Variants in CNTN5 observed in about 807,000 individuals in gnomAD.
CNTN5 encodes contactin 5, also known as contactin-5.
A neutral mutation model predicts 129.1 loss-of-function variants in CNTN5; 77 were observed. The ratio of observed to expected loss-of-function variants is 0.60; its 90% CI spans 0.50 to 0.72. The LOEUF (loss-of-function observed/expected upper bound fraction) is 0.72. CNTN5 is among the 30% of genes least tolerant of loss of function. The pLI is 0.00. For synonymous variants in CNTN5, 509 were observed against 465.6 expected (o/e 1.09, Z -1.20); for missense variants, 1,478 against 1,328.8 (o/e 1.11, Z -1.75).
intron 1 of CNTN5, among the ~76,000 whole-genome samples, chr11:99,190,727 A>T (rs1211692346): frequency 2.0e-5 from 3 of 150,920 alleles, no homozygotes; most frequent in Non-Finnish European, 3.0e-5. Flanking sequence ...TGATTTTTAT[A>T]TTTTCGTTTT....
At position 99,132,098 on chromosome 11, in the gene CNTN5, C is replaced by T. The variant is rs569858295; in HGVS notation, c.-210+110828C>T. On this transcript the variant is annotated intron_variant, in intron 1 of 24. Coordinates refer to ENST00000524871, the MANE Select transcript of CNTN5 (RefSeq NM_014361.4). ...CAGAATGCAAGGCTGGTTCAACATA[C>T]GCAAATCAGTAAGCATAATTCCTCA... Among the ~76,000 whole-genome samples, 15 of 152,106 alleles carry T rather than the reference C, an allele frequency of 9.9e-5. No individual in the cohort carries two copies. The East Asian group carries it at 1.2e-3, about 12-fold the overall frequency.
At chr11:100,117,528 G>T (rs1945879679) in intron 13 of CNTN5, among the ~76,000 whole-genome samples, 1 of 151,886 alleles carries the variant, frequency 6.6e-6, no homozygotes, top group Non-Finnish European at 1.5e-5. Context: ...CATATAAAAT[G>T]TCTACCACAT....
intron 2 of CNTN5, among the ~76,000 whole-genome samples, chr11:99,530,770 G>A (rs11220319): frequency 0.26 from 39,740 of 152,034 alleles, 5,522 homozygotes; most frequent in Non-Finnish European, 0.31. Flanking sequence ...AGGTGTTTCC[G>A]CTTCTGTTTC....
At chr11:99,737,706 C>T (rs1034937529) in intron 3 of CNTN5, among the ~76,000 whole-genome samples, 1 of 152,050 alleles carries the variant, frequency 6.6e-6, no homozygotes, top group Non-Finnish European at 1.5e-5. Context: ...TTCCAAACTT[C>T]CCATTTCACA....
chr11:100,064,639 G>A (rs1055801393), intron 10 of CNTN5, among the ~76,000 whole-genome samples: 1 of 152,020 alleles, frequency 6.6e-6, no homozygotes, highest in Non-Finnish European at 1.5e-5. Flanking sequence ...ATTTTCATGG[G>A]TTAAGTCATT....
At chr11:100,026,603 T>G (rs1043455400) in intron 9 of CNTN5, among the ~76,000 whole-genome samples, 1 of 152,238 alleles carries the variant, frequency 6.6e-6, no homozygotes, top group African/African-American at 2.4e-5. Context: ...GTTTCATTGT[T>G]ATTTTAATTT....
intron 6 of CNTN5, among the ~76,000 whole-genome samples, chr11:99,846,373 A>AAG: frequency 6.6e-6 from 1 of 151,166 alleles, no homozygotes; most frequent in South Asian, 2.1e-4. Flanking sequence ...AAAAAAAAAA[A>AAG]AAAAAAAGAA....
intron 4 of CNTN5, among the ~76,000 whole-genome samples, chr11:99,837,181 T>C (rs888340014): frequency 6.6e-6 from 1 of 152,186 alleles, no homozygotes; most frequent in Non-Finnish European, 1.5e-5. Flanking sequence ...TTGCTCTGTT[T>C]CAAATGTTTC....
chr11:99,349,832 C>A (rs1938164685), intron 2 of CNTN5, among the ~76,000 whole-genome samples: 1 of 152,106 alleles, frequency 6.6e-6, no homozygotes, highest in South Asian at 2.1e-4. Context: ...ATTCTGGAAA[C>A]TAATATTCTA....
At chr11:99,705,470 TG>T (rs1954714389) in intron 3 of CNTN5, among the ~76,000 whole-genome samples, 4 of 151,556 alleles carry the variant, frequency 2.6e-5, no homozygotes, top group African/African-American at 9.6e-5. Flanking sequence ...GGTGATTGTG[TG>T]TATACTCAAA....
rs377357430 is a variant in CNTN5 at position 99,523,410 on chromosome 11, C to T, written c.-70-32735C>T. Among the ~76,000 whole-genome samples, 64 of 152,040 alleles carry T rather than the reference C, an allele frequency of 4.2e-4. 1 individual carries two copies. The South Asian group carries it at 0.012, about 30-fold the overall frequency. ...AGGACTTCCAGACCAGCCTAGGCGA[C>T]GTGGCGAAACCCCATCTCTACAAAA... On this transcript the variant is annotated intron_variant, in intron 2 of 24. Transcript: ENST00000524871.
intron 23 of CNTN5, among the ~76,000 whole-genome samples, chr11:100,341,859 T>C (rs981363869): frequency 2.6e-5 from 4 of 151,946 alleles, no homozygotes; most frequent in African/African-American, 9.7e-5. Flanking sequence ...ATTCTGTTTG[T>C]TGCATTAAAC....
chr11:99,127,175 T>C (rs1212279558), intron 1 of CNTN5, among the ~76,000 whole-genome samples: 1 of 152,206 alleles, frequency 6.6e-6, no homozygotes, highest in East Asian at 1.9e-4. Flanking sequence ...TATAGCCTAC[T>C]TGCTCTTATA....
chr11:100,070,639 T>C, intron 11 of CNTN5, 79 bp downstream of exon 11: 1 of 1,360,402 alleles, frequency 7.4e-7, no homozygotes, highest in Non-Finnish European at 1.0e-6. Context: ...TTCTTTAGTC[T>C]TATTGAAAGC....
At chr11:100,249,208 A>G (rs1949910350) in intron 16 of CNTN5, among the ~76,000 whole-genome samples, 1 of 152,188 alleles carries the variant, frequency 6.6e-6, no homozygotes, top group Non-Finnish European at 1.5e-5. Flanking sequence ...GGAGATATAT[A>G]TATATGTACA....
intron 1 of CNTN5, among the ~76,000 whole-genome samples, chr11:99,312,993 G>T (rs957135778): frequency 6.6e-6 from 1 of 151,700 alleles, no homozygotes; most frequent in African/African-American, 2.4e-5. Flanking sequence ...ATAAGTAAGA[G>T]ATAAAAGTAG....
At chr11:99,883,677 A>T (rs1213205639) in intron 6 of CNTN5, among the ~76,000 whole-genome samples, 3 of 152,176 alleles carry the variant, frequency 2.0e-5, no homozygotes, top group Non-Finnish European at 4.4e-5. Flanking sequence ...ATAACCTATT[A>T]TGTATGAACC....
intron 15 of CNTN5, among the ~76,000 whole-genome samples, chr11:100,222,890 T>A (rs907790107): frequency 6.6e-6 from 1 of 152,110 alleles, no homozygotes; most frequent in Non-Finnish European, 1.5e-5. Context: ...TGGGCCCATC[T>A]TACCCACAGT....
chr11:99,133,966 A>G (rs575075067), intron 1 of CNTN5, among the ~76,000 whole-genome samples: 3 of 152,322 alleles, frequency 2.0e-5, no homozygotes, highest in African/African-American at 7.2e-5. Flanking sequence ...ATGTATGTTC[A>G]TTGCAGCACT....
Sources: allele counts gnomAD v4.1 joint callset (sites outside exome capture counted in the v4.1 genomes callset), GRCh38; gene constraint gnomAD v4.1.1; transcripts MANE v1.5; gene names NCBI Gene and HGNC (gene_info 2026-07-23, HGNC 2026-07-21).